DNAH3: variants seen among roughly 807,000 people sequenced by gnomAD.
DNAH3 encodes axonemal beta dynein heavy chain 3.
DNAH3 carries 332 observed loss-of-function variants against 432.5 expected under a neutral mutation model. The observed-to-expected ratio is 0.77, with a 90% confidence interval of 0.70 to 0.84. DNAH3 has a LOEUF of 0.84. Among genes scored for constraint, DNAH3 ranks in the 40% least tolerant of loss-of-function variants. DNAH3 has a pLI of 0.00. For synonymous variants in DNAH3, 1,956 were observed against 1,900.2 expected (o/e 1.03, Z -0.76); for missense variants, 4,861 against 5,114.0 (o/e 0.95, Z 1.51).
intron 52 of DNAH3, 78 bp from the exon 53 acceptor site, chr16:20,965,503 G>A: frequency 8.1e-7 from 1 of 1,238,290 alleles, no homozygotes; most frequent in East Asian, 2.4e-5. Context: ...GTTACTGCTG[G>A]TATTTGAGAA....
At chr16:21,011,313 T>C (rs778408274) in intron 41 of DNAH3, among the ~76,000 whole-genome samples, 5 of 152,206 alleles carry the variant, frequency 3.3e-5, no homozygotes, top group Admixed American at 6.5e-5. Context: ...GAATGTCATA[T>C]GGAGATTAAC....
At chr16:20,988,814 T>C (rs1272456306) in intron 44 of DNAH3, among the ~76,000 whole-genome samples, 1 of 151,968 alleles carries the variant, frequency 6.6e-6, no homozygotes, top group Non-Finnish European at 1.5e-5. Context: ...TTCCTTCTGA[T>C]GTTCGAATGT....
chr16:21,014,873 T>G (rs999521789), intron 41 of DNAH3, among the ~76,000 whole-genome samples: 3 of 152,014 alleles, frequency 2.0e-5, no homozygotes, highest in Admixed American at 6.6e-5. Flanking sequence ...AGGTATAAAT[T>G]TAACAAAAAA....
intron 5 of DNAH3, among the ~76,000 whole-genome samples, chr16:21,136,911 A>AATTGCAAGGTCAGGGGTTCGAG (rs2092650621): frequency 2.6e-5 from 4 of 151,950 alleles, no homozygotes; most frequent in Admixed American, 2.0e-4. Flanking sequence ...AAGGTGGGAG[A>AATTGCAAGGTCAGGGGTTCGAG]ATTGCAAGGT....
intron 40 of DNAH3, 89 bp downstream of exon 40, chr16:21,021,882 G>A (rs1309125910): frequency 6.8e-6 from 10 of 1,477,898 alleles, no homozygotes; most frequent in Non-Finnish European, 6.4e-6. Context: ...TAGCCTTGGT[G>A]ACAGAGTGAG....
chr16:20,985,333 C>A, exon 48 of DNAH3: 2 of 1,614,198 alleles, frequency 1.2e-6, no homozygotes, highest in Non-Finnish European at 1.7e-6. Flanking sequence ...AAGATCTTCT[C>A]GCCAGTCATT....
exon 53 of DNAH3, chr16:20,964,277 C>T: frequency 1.2e-6 from 2 of 1,614,180 alleles, no homozygotes; most frequent in Non-Finnish European, 1.7e-6. Context: ...AGGAGTTGAT[C>T]TTGGAGACCC....
At chr16:21,112,192 A>T in intron 12 of DNAH3, 94 bp from the exon 13 acceptor site, 1 of 821,534 alleles carries the variant, frequency 1.2e-6, no homozygotes, top group East Asian at 2.7e-5. Context: ...GTAGCATTTT[A>T]AAAAATGTAG....
chr16:20,996,566 T>C (rs2086771434), intron 44 of DNAH3, among the ~76,000 whole-genome samples: 1 of 152,142 alleles, frequency 6.6e-6, no homozygotes, highest in Non-Finnish European at 1.5e-5. Context: ...TTCAAGCGAT[T>C]GTCCTGCCTC....
intron 18 of DNAH3, among the ~76,000 whole-genome samples, chr16:21,095,835 G>C (rs2091661169): frequency 6.6e-6 from 1 of 152,112 alleles, no homozygotes; most frequent in African/African-American, 2.4e-5. Flanking sequence ...TGCCATCACA[G>C]CTGATTGCAG....
chr16:20,959,141 T>C, intron 54 of DNAH3, 38 bp downstream of exon 54: 1 of 1,597,962 alleles, frequency 6.3e-7, no homozygotes, highest in East Asian at 2.2e-5. Context: ...GTCTGGAGGT[T>C]GGGTCCCAGA....
chr16:21,073,700 G>A (rs34125713), intron 21 of DNAH3, among the ~76,000 whole-genome samples: 24,958 of 151,926 alleles, frequency 0.16, 2,701 homozygotes, highest in East Asian at 0.46. Context: ...CCTCTTGCCC[G>A]AAGCAAGCAT....
rs764208379 is a variant in DNAH3, at chr16:20,987,491, C to T, written c.6883-43G>A. ...ATTATTCAAACGAGTGGAAGATGGT[C>T]CCTGAGGTGGTAGTTCTCAGTAGTA... On this transcript the variant is annotated intron_variant, in intron 46 of 61. Coordinates refer to ENST00000261383, the Ensembl canonical transcript of DNAH3. 3.7e-6 allele frequency: 6 copies of T among 1,610,254 alleles called. No individual in the cohort carries two copies. In the South Asian group the frequency reaches 5.5e-5, roughly 15 times the overall value.
At chr16:21,054,431 A>T (rs1181467108) in exon 28 of DNAH3, 1 of 1,613,990 alleles carries the variant, frequency 6.2e-7, no homozygotes, top group Non-Finnish European at 8.5e-7. Context: ...GTGGACATCG[A>T]TGACCGTGAG....
exon 15 of DNAH3, chr16:21,106,631 C>A (rs1274621986): frequency 1.2e-6 from 2 of 1,606,780 alleles, no homozygotes; most frequent in Non-Finnish European, 1.7e-6. Context: ...TTGGCAGGAA[C>A]CTCACTGACT....
intron 39 of DNAH3, among the ~76,000 whole-genome samples, chr16:21,023,649 C>A (rs2152714792): frequency 6.6e-6 from 1 of 152,166 alleles, no homozygotes; most frequent in East Asian, 1.9e-4. Flanking sequence ...TGAGAAAGAG[C>A]AGGAAATGAG....
exon 12 of DNAH3, chr16:21,117,236 T>C (rs772685691): frequency 6.2e-7 from 1 of 1,610,244 alleles, no homozygotes; most frequent in Non-Finnish European, 8.5e-7. Context: ...CTGAAATACC[T>C]TGAAAGTTTG....
intron 43 of DNAH3, among the ~76,000 whole-genome samples, chr16:20,999,296 A>G (rs543376788): frequency 1.3e-5 from 2 of 152,296 alleles, no homozygotes; most frequent in African/African-American, 4.8e-5. Context: ...GTTTGGCTGC[A>G]AAGCTTACCC....
rs141117088 is a variant in DNAH3, at chr16:20,963,997, G to A, written c.9887C>T (p.Pro3296Leu). The change falls in exon 53 of 62, where the codon CCA (proline) becomes CTA (leucine). Residue 3296 changes from proline to leucine, a missense_variant. By Grantham distance (98) the Pro-to-Leu change is moderately conservative (BLOSUM62 -3). Transcript: ENST00000261383. ...GATGGTGGCAGAATGCACAGCCACT[G>A]GCTTGTAGCCCATCCGAGTCTCGTC... is the stretch of plus-strand genomic sequence containing the variant. 4 of 1,614,056 alleles carry A rather than the reference G, an allele frequency of 2.5e-6. No individual in the cohort carries two copies. The African/African-American group carries it at 5.3e-5, about 22-fold the overall frequency.
Sources: allele counts gnomAD v4.1 joint callset (sites outside exome capture counted in the v4.1 genomes callset), GRCh38; gene constraint gnomAD v4.1.1; transcripts MANE v1.5; gene names NCBI Gene and HGNC (gene_info 2026-07-23, HGNC 2026-07-21).